SLC44A3: variants seen among roughly 807,000 people sequenced by gnomAD.
SLC44A3 encodes the protein choline transporter-like protein 3.
Under a neutral mutation model 75.4 loss-of-function variants are expected in SLC44A3, and 74 were observed. That is an observed-to-expected ratio of 0.98 (90% CI 0.81 to 1.19). The LOEUF is 1.19. Among genes scored for constraint, SLC44A3 ranks in the 50% most tolerant of loss-of-function variants. The probability of loss-of-function intolerance (pLI) is 0.00; values close to 1 mark genes in which losing one functional copy is unlikely to be tolerated. For missense variants in SLC44A3, 700 were observed against 778.6 expected (o/e 0.90, Z 1.20); for synonymous variants, 310 against 296.9 (o/e 1.04, Z -0.45).
At chr1:94,852,136 G>A (rs1469520028) in intron 9 of SLC44A3, among the ~76,000 whole-genome samples, 1 of 152,152 alleles carries the variant, frequency 6.6e-6, no homozygotes, top group African/African-American at 2.4e-5. Context: ...CTGTGTGTCA[G>A]ACCCTATTAA....
chr1:94,888,761 G>C (rs149774913), intron 12 of SLC44A3: 4 of 899,654 alleles, frequency 4.4e-6, no homozygotes, highest in African/African-American at 2.2e-5. Context: ...GCGGAGTCTC[G>C]CTCTGTCACC....
chr1:94,879,438 G>A (rs143287604), intron 12 of SLC44A3, among the ~76,000 whole-genome samples: 7,487 of 150,946 alleles, frequency 0.05, 279 homozygotes, highest in South Asian at 0.11. Context: ...AGGCTGAAGC[G>A]GGAGAATTGC....
intron 1 of SLC44A3, 99 bp from the exon 2 acceptor site, chr1:94,820,850 T>C: frequency 7.7e-7 from 1 of 1,306,114 alleles, no homozygotes; most frequent in Non-Finnish European, 1.0e-6. Context: ...TAGAAAAAGA[T>C]TGGTTACTTT....
chr1:94,843,942 G>A (rs1664047802), intron 8 of SLC44A3, among the ~76,000 whole-genome samples: 2 of 152,132 alleles, frequency 1.3e-5, no homozygotes, highest in African/African-American at 4.8e-5. Flanking sequence ...CTAGAAGAAA[G>A]AGGCTGAGAC....
intron 12 of SLC44A3, among the ~76,000 whole-genome samples, chr1:94,889,665 T>C (rs931545897): frequency 2.0e-5 from 3 of 152,136 alleles, no homozygotes; most frequent in Admixed American, 6.5e-5. Flanking sequence ...AGCAAAACAT[T>C]TGAAACAGTC....
At chr1:94,837,907 A>G in intron 6 of SLC44A3, 36 bp downstream of exon 6, 1 of 1,528,368 alleles carries the variant, frequency 6.5e-7, no homozygotes, top group Non-Finnish European at 8.8e-7. Flanking sequence ...ATAGTTGTTT[A>G]TGGAATGCCA....
At chr1:94,867,479 T>G (rs953075530) in intron 12 of SLC44A3, 62 bp downstream of exon 12, 3 of 1,404,628 alleles carry the variant, frequency 2.1e-6, no homozygotes, top group Non-Finnish European at 2.9e-6. Flanking sequence ...CTTCATCTCT[T>G]AGGTCAAGGT....
At chr1:94,878,151 G>A (rs571340754) in intron 12 of SLC44A3, among the ~76,000 whole-genome samples, 10 of 151,970 alleles carry the variant, frequency 6.6e-5, no homozygotes, top group African/African-American at 1.9e-4. Context: ...GGAGAATGGC[G>A]TGAACCCCAG....
At chr1:94,826,887 G>C (rs897369712) in intron 3 of SLC44A3, among the ~76,000 whole-genome samples, 5 of 152,154 alleles carry the variant, frequency 3.3e-5, no homozygotes, top group Non-Finnish European at 4.4e-5. Flanking sequence ...GCCTGGATAA[G>C]TGGTAGGCAA....
At chr1:94,847,184 A>G (rs1664516744) in intron 9 of SLC44A3, among the ~76,000 whole-genome samples, 2 of 152,238 alleles carry the variant, frequency 1.3e-5, no homozygotes, top group South Asian at 4.1e-4. Flanking sequence ...GATGTAAGGT[A>G]ATTTCTCTGT....
rs183846323 is a variant in SLC44A3 at position 94,888,587 on chromosome 1, A to C, written c.1483-2543A>C. On this transcript the variant is annotated intron_variant, in intron 12 of 14. Transcript: ENST00000271227. ...CAGCTGGTTTGAGATTTTCAAAGCA[A>C]ATTTCACGCACATTCTATGTAAGTC... 5 of 866,136 alleles carry C rather than the reference A, an allele frequency of 5.8e-6. No individual in the cohort carries two copies. The Admixed American group carries it at 3.1e-4, about 54-fold the overall frequency. The allele number at this position is 866,136 out of a possible 1,614,324, so 53.7% of individuals were successfully genotyped here. A position where few individuals can be genotyped will look rare whatever the true frequency, so the allele number is the denominator to read the frequency against.
At position 94,842,065 on chromosome 1, in the gene SLC44A3, A is replaced by G. The variant is rs1472642177; in HGVS notation, c.826A>G (p.Thr276Ala). The change falls in exon 8 of 15, where the codon ACA (threonine) becomes GCA (alanine). Residue 276 changes from threonine (T) to alanine (A), a missense_variant. By Grantham distance (58) the Thr-to-Ala change is moderately conservative. Transcript: ENST00000271227. ...YTNDLSIELD[T>A]ERENMKCVLG... ...CAACGACCTCAGCATAGAATTGGAC[A>G]CAGAAAGGGAAAATATGAAGTGCGT... 2 of 1,613,522 alleles carry G rather than the reference A, an allele frequency of 1.2e-6. No individual in the cohort carries two copies. Among genetic ancestry groups the G allele is most frequent in the Non-Finnish European group, 1.7e-6 (2 of 1,179,866 alleles).
At chr1:94,837,472 T>C (rs901417589) in intron 5 of SLC44A3, among the ~76,000 whole-genome samples, 1 of 152,180 alleles carries the variant, frequency 6.6e-6, no homozygotes, top group African/African-American at 2.4e-5. Flanking sequence ...GCTCCCCAAG[T>C]TTAGGTTTTT....
intron 5 of SLC44A3, among the ~76,000 whole-genome samples, chr1:94,835,702 C>T (rs1013041734): frequency 5.3e-5 from 8 of 152,122 alleles, no homozygotes; most frequent in East Asian, 1.9e-4. Flanking sequence ...TGGAGTCTGG[C>T]GTCTCATTTT....
chr1:94,839,317 G>T (rs889487338), intron 6 of SLC44A3, among the ~76,000 whole-genome samples: 1 of 151,906 alleles, frequency 6.6e-6, no homozygotes, highest in Admixed American at 6.6e-5. Flanking sequence ...ATTTTAGATG[G>T]TTCATTTGGA....
rs1359993180 is a variant in SLC44A3, at chr1:94,840,958, A to G, written c.760+921A>G. ...CCATTTACCAACTGGTGTGGGGTAC[A>G]ATCAGGTGTCACTTAATGACAGGAA... On this transcript the variant is annotated intron_variant, in intron 7 of 14. Transcript: ENST00000271227. Among the ~76,000 whole-genome samples the G allele has an allele frequency of 2.6e-5, 4 of 152,318 alleles. No individual in the cohort carries two copies. The East Asian group carries it at 7.7e-4, about 29-fold the overall frequency.
intron 12 of SLC44A3, among the ~76,000 whole-genome samples, chr1:94,870,083 G>C (rs569210335): frequency 6.6e-6 from 1 of 152,342 alleles, no homozygotes; most frequent in South Asian, 2.1e-4. Flanking sequence ...CCAGCCTAAG[G>C]CTGCACAGGC....
chr1:94,853,985 A>G (rs920045028), intron 9 of SLC44A3, among the ~76,000 whole-genome samples: 2 of 151,856 alleles, frequency 1.3e-5, no homozygotes, highest in African/African-American at 4.8e-5. Context: ...CTATCTACCT[A>G]TATCTCATTT....
At chr1:94,859,609 G>A (rs961418646) in intron 10 of SLC44A3, among the ~76,000 whole-genome samples, 18 of 152,178 alleles carry the variant, frequency 1.2e-4, no homozygotes, top group African/African-American at 4.3e-4. Context: ...GGAGTAGTTA[G>A]ACCCCCAAAT....
Sources: gnomAD v4.1 joint callset for allele counts (sites outside exome capture counted in the v4.1 genomes callset) on GRCh38, gnomAD v4.1.1 for gene constraint, MANE v1.5 for transcripts, NCBI Gene and HGNC (gene_info 2026-07-23, HGNC 2026-07-21) for gene names.